The following NXN variants were observed in gnomAD, a reference collection of about 807,000 sequenced individuals.
NXN encodes the protein nucleoredoxin.
A neutral mutation model predicts 48.6 loss-of-function variants in NXN; 16 were observed. The observed-to-expected ratio is 0.33, with a 90% CI of 0.22 to 0.50. The LOEUF (loss-of-function observed/expected upper bound fraction) is 0.50. Among genes scored for constraint, NXN ranks in the 20% least tolerant of loss-of-function variants. The pLI is 0.98. For synonymous variants in NXN, 281 were observed against 269.6 expected (o/e 1.04, Z -0.41); for missense variants, 492 against 605.5 (o/e 0.81, Z 1.97).
intron 1 of NXN, among the ~76,000 whole-genome samples, chr17:839,060 G>A (rs927543725): frequency 1.3e-5 from 2 of 152,168 alleles, no homozygotes; most frequent in African/African-American, 4.8e-5. Flanking sequence ...GTAAAATGAG[G>A]ATAATAACAA....
chr17:814,307 T>C (rs1301909149), intron 5 of NXN, among the ~76,000 whole-genome samples: 1 of 152,040 alleles, frequency 6.6e-6, no homozygotes, highest in Non-Finnish European at 1.5e-5. Context: ...GGGTACCTTA[T>C]TAGTTTCAGG....
chr17:874,605 C>T (rs372730606), intron 1 of NXN, among the ~76,000 whole-genome samples: 33 of 151,068 alleles, frequency 2.2e-4, no homozygotes, highest in East Asian at 2.0e-3. Flanking sequence ...AAACAATTAC[C>T]CAGTCTTGTT....
chr17:858,939 G>T (rs924793874), intron 1 of NXN, among the ~76,000 whole-genome samples: 43 of 152,020 alleles, frequency 2.8e-4, no homozygotes, highest in African/African-American at 1.0e-3. Context: ...AGCAGGCAGG[G>T]GCCAATTTTC....
intron 1 of NXN, among the ~76,000 whole-genome samples, chr17:847,131 C>G (rs1002714508): frequency 2.6e-5 from 4 of 152,126 alleles, no homozygotes; most frequent in Non-Finnish European, 5.9e-5. Context: ...TGTTTGTCAT[C>G]TCGGCACCGT....
chr17:924,364 G>A (rs979993959), intron 1 of NXN, among the ~76,000 whole-genome samples: 1 of 152,188 alleles, frequency 6.6e-6, no homozygotes, highest in Non-Finnish European at 1.5e-5. Context: ...AGCCCCCCGC[G>A]TAGGTGGGAT....
At chr17:955,683 T>G (rs984339063) in intron 1 of NXN, among the ~76,000 whole-genome samples, 1 of 147,196 alleles carries the variant, frequency 6.8e-6, no homozygotes, top group Non-Finnish European at 1.5e-5. Context: ...GATCACAAGG[T>G]CAGGAGATTG....
rs143522223 is a variant in NXN at position 879,162 on chromosome 17, T to C, written c.361-53084A>G. On this transcript the variant is annotated intron_variant, in intron 1 of 7. Transcript: ENST00000336868. ...CCTGGGCAACAAGAGAGAAACTCTG[T>C]CTCAAAAAAAACAACAAGTAGACAG... Among the ~76,000 whole-genome samples the C allele has an allele frequency of 1.2e-3, 184 of 151,264 alleles. 1 individual carries two copies. The highest frequency in any genetic ancestry group is 4.3e-3 in the African/African-American group (178 of 41,224).
At chr17:827,164 T>C (rs913019901) in intron 1 of NXN, among the ~76,000 whole-genome samples, 5 of 152,054 alleles carry the variant, frequency 3.3e-5, no homozygotes, top group Non-Finnish European at 7.4e-5. Context: ...GGCAACATGG[T>C]GGAACCCCGT....
At chr17:872,982 G>T (rs549250291) in intron 1 of NXN, among the ~76,000 whole-genome samples, 1 of 152,180 alleles carries the variant, frequency 6.6e-6, no homozygotes, top group African/African-American at 2.4e-5. Context: ...AGTGTGGGTG[G>T]GCCTCATCCA....
intron 5 of NXN, among the ~76,000 whole-genome samples, chr17:812,895 G>T (rs1039046893): frequency 1.4e-5 from 2 of 142,090 alleles, no homozygotes; most frequent in Non-Finnish European, 3.1e-5. Flanking sequence ...TGTGAATGTA[G>T]GTGTGTGCAT....
At chr17:922,805 C>A (rs1327788451) in intron 1 of NXN, among the ~76,000 whole-genome samples, 1 of 148,348 alleles carries the variant, frequency 6.7e-6, no homozygotes, top group Non-Finnish European at 1.5e-5. Context: ...GTGCCCGCCA[C>A]CACACCCGGC....
At chr17:839,500 G>A (rs1404278363) in intron 1 of NXN, among the ~76,000 whole-genome samples, 1 of 151,450 alleles carries the variant, frequency 6.6e-6, no homozygotes, top group Non-Finnish European at 1.5e-5. Flanking sequence ...AAATAATGAG[G>A]AGGAGGATAT....
chr17:853,723 A>ATATATATATATTT (rs1491528474), intron 1 of NXN, among the ~76,000 whole-genome samples: 82 of 105,962 alleles, frequency 7.7e-4, no homozygotes, highest in Middle Eastern at 6.8e-3. Flanking sequence ...ATATATATAT[A>ATATATATATATTT]TTTTTTTTTT....
chr17:840,681 C>T (rs34676006), intron 1 of NXN, among the ~76,000 whole-genome samples: 21,633 of 152,198 alleles, frequency 0.14, 1,927 homozygotes, highest in Middle Eastern at 0.31. Flanking sequence ...ACTTCACCGG[C>T]GAGATACTCT....
At chr17:822,609 C>T in intron 3 of NXN, 152 bp from the exon 4 acceptor site, 1 of 602,664 alleles carries the variant, frequency 1.7e-6, no homozygotes, top group South Asian at 2.0e-5. Context: ...GGTATGGTGG[C>T]TACCTGGGAG....
chr17:955,182 T>TC (rs1392804828), intron 1 of NXN, among the ~76,000 whole-genome samples: 1 of 148,326 alleles, frequency 6.7e-6, no homozygotes, highest in African/African-American at 2.5e-5. Flanking sequence ...TTTTTTTTTT[T>TC]CCTGAGACAG....
At chr17:931,663 T>C (rs12451706) in intron 1 of NXN, among the ~76,000 whole-genome samples, 80,241 of 148,498 alleles carry the variant, frequency 0.54, 22,729 homozygotes, top group Admixed American at 0.63. Flanking sequence ...AGTGAAACCC[T>C]GTCTCTGCTA....
intron 1 of NXN, among the ~76,000 whole-genome samples, chr17:881,610 G>A (rs572385020): frequency 4.1e-4 from 63 of 152,194 alleles, no homozygotes; most frequent in African/African-American, 1.5e-3. Flanking sequence ...GAATTCTACC[G>A]CTCAGGATTC....
intron 1 of NXN, among the ~76,000 whole-genome samples, chr17:826,667 C>G (rs1350880301): frequency 6.6e-6 from 1 of 151,692 alleles, no homozygotes; most frequent in Non-Finnish European, 1.5e-5. Flanking sequence ...ACATCTGCCC[C>G]CTCAGCCCTT....
Sources: allele counts gnomAD v4.1 joint callset (sites outside exome capture counted in the v4.1 genomes callset), GRCh38; gene constraint gnomAD v4.1.1; transcripts MANE v1.5; gene names NCBI Gene and HGNC (gene_info 2026-07-23, HGNC 2026-07-21).